The following MTPAP variants were observed in gnomAD, a reference collection of about 807,000 sequenced individuals.
The protein encoded by MTPAP is mitochondrial poly(A) polymerase, also known as poly(A) RNA polymerase, mitochondrial.
MTPAP carries 23 observed loss-of-function variants against 48.7 expected under a neutral mutation model. That is an observed-to-expected ratio of 0.47 (90% CI 0.34 to 0.67). The LOEUF is 0.67. Among genes scored for constraint, MTPAP ranks in the 30% least tolerant of loss-of-function variants. The pLI is 0.01. For missense variants in MTPAP, 614 were observed against 694.3 expected, an observed-to-expected ratio of 0.88 and a Z score of 1.30; for synonymous variants, 257 against 254.1, an observed-to-expected ratio of 1.01 and a Z score of -0.11.
chr10:30,337,127 C>T lies in MTPAP; in HGVS notation c.556-100G>A, dbSNP rs1834739468. On this transcript the variant is annotated intron_variant, in intron 3 of 8. Transcript: ENST00000263063. ...AAGATTTGGTGGCGTTGAAGACCTA[C>T]CTTAGAAATATGCAAAGCCTGGCGC... 1.9e-5 allele frequency: 20 copies of T among 1,036,774 alleles called. No homozygotes were observed. The South Asian group carries it at 2.5e-4, about 13-fold the overall frequency. 64.2% of individuals were successfully genotyped at this position (1,036,774 alleles called of 1,614,324 possible).
chr10:30,332,070 G>C (rs1834674740), intron 4 of MTPAP, among the ~76,000 whole-genome samples: 1 of 152,232 alleles, frequency 6.6e-6, no homozygotes, highest in Admixed American at 6.5e-5. Context: ...CAAAAGGTAA[G>C]AGAAGAGCTC....
At chr10:30,339,296 G>A (rs1834770665) in intron 3 of MTPAP, among the ~76,000 whole-genome samples, 1 of 152,054 alleles carries the variant, frequency 6.6e-6, no homozygotes, top group Non-Finnish European at 1.5e-5. Context: ...AGACCAGCCT[G>A]GCCAAAGTGG....
intron 3 of MTPAP, among the ~76,000 whole-genome samples, chr10:30,338,906 A>G (rs1242896212): frequency 1.3e-5 from 2 of 151,598 alleles, no homozygotes; most frequent in Non-Finnish European, 2.9e-5. Context: ...GGCGGATCAC[A>G]AGGTCAGGAG....
chr10:30,345,932 C>T (rs565483914), intron 1 of MTPAP, among the ~76,000 whole-genome samples: 1 of 151,616 alleles, frequency 6.6e-6, no homozygotes, highest in South Asian at 2.1e-4. Context: ...CCTGTAATCC[C>T]AGGTACTCAA....
At chr10:30,314,030 AACAGTTAACTCAATAAAATGTCAAAAC>A in intron 8 of MTPAP, 59 bp from the exon 9 acceptor site, 1 of 1,544,434 alleles carries the variant, frequency 6.5e-7, no homozygotes, top group Non-Finnish European at 8.9e-7. Context: ...TAAATATAAA[AACAGTTAACTCAATAAAATGTCAAAAC>A]ACATAAAACA....
In MTPAP at chr10:30,349,129, G is replaced by T; in HGVS notation, c.147C>A (p.Ser49Arg). The change falls in exon 1 of 9, where the codon AGC becomes AGA. Residue 49 changes from serine (S) to arginine (R), a missense_variant. By Grantham distance (110) the Ser-to-Arg change is moderately radical. This residue lies in a region of MTPAP where 125 missense variants were observed against 111.5 expected (regional missense o/e 1.12). Transcript: ENST00000263063. ...AACCGGCGCCATCACCTGTCTCCAC[G>T]CTCCCTGAAGGCTGCTCGTCTCTCC... The part of the protein sequence containing the change: ...DLRRDEQPSG[S>R]VETGFEDKIP... 1 of 1,613,678 alleles carries T rather than the reference G, an allele frequency of 6.2e-7. No homozygotes were observed. The highest frequency in any genetic ancestry group is 8.5e-7 in the Non-Finnish European group (1 of 1,179,820).
At chr10:30,323,710 C>T (rs1447713583) in intron 5 of MTPAP, among the ~76,000 whole-genome samples, 1 of 152,102 alleles carries the variant, frequency 6.6e-6, no homozygotes, top group East Asian at 1.9e-4. Context: ...TGGGGTTTCA[C>T]CGTGTTAGCC....
intron 2 of MTPAP, among the ~76,000 whole-genome samples, chr10:30,340,739 T>C (rs1305956787): frequency 1.3e-5 from 2 of 151,994 alleles, no homozygotes; most frequent in Non-Finnish European, 2.9e-5. Flanking sequence ...GCCAACATGG[T>C]GAAACCTCGC....
chr10:30,345,945 G>A (rs1411097445), intron 1 of MTPAP, among the ~76,000 whole-genome samples: 1 of 151,878 alleles, frequency 6.6e-6, no homozygotes, highest in African/African-American at 2.4e-5. Context: ...GTACTCAAGA[G>A]GCTGAGGCAG....
chr10:30,337,101 A>G (rs929866035), intron 3 of MTPAP, 74 bp from the exon 4 acceptor site: 21 of 1,325,096 alleles, frequency 1.6e-5, no homozygotes, highest in Non-Finnish European at 2.3e-5. Flanking sequence ...TTTTACTTTC[A>G]AAGATTTGGT....
intron 1 of MTPAP, among the ~76,000 whole-genome samples, chr10:30,347,752 G>T (rs867984718): frequency 6.6e-6 from 1 of 151,602 alleles, no homozygotes; most frequent in South Asian, 2.1e-4. Context: ...TTAGCCAGGC[G>T]TGGTGCCACG....
At chr10:30,338,328 ATAACATAACG>A (rs1834755285) in intron 3 of MTPAP, among the ~76,000 whole-genome samples, 1 of 142,618 alleles carries the variant, frequency 7.0e-6, no homozygotes, top group Non-Finnish European at 1.6e-5. Context: ...TTAACATAAC[ATAACATAACG>A]TAACATAACT....
chr10:30,327,164 A>T (rs1265544895), intron 4 of MTPAP, among the ~76,000 whole-genome samples: 1 of 152,096 alleles, frequency 6.6e-6, no homozygotes, highest in African/African-American at 2.4e-5. Flanking sequence ...TTAAGTGGCC[A>T]TCAAAAAAAA....
chr10:30,310,149 C>G lies in MTPAP; in HGVS notation c.*3460G>C, dbSNP rs1187124871. On this transcript the variant is annotated 3_prime_UTR_variant, in exon 9 of 9. Transcript: ENST00000263063. The stretch of plus-strand genomic sequence containing the variant: ...ATTGCAATTATTTTTAATTAAGAAA[C>G]AGCAATGACAAATAATTGCTAGTTA... 1.3e-5 allele frequency: 2 copies of G among 152,102 alleles called. No individual in the cohort carries two copies. The highest frequency in any genetic ancestry group is 2.9e-5 in the Non-Finnish European group (2 of 68,000). The allele number at this position is 152,102 out of a possible 1,614,324, so 9.4% of individuals were successfully genotyped here.
rs756511637 is a variant in MTPAP, at chr10:30,313,734, T to C, written c.1624A>G (p.Thr542Ala). The C allele has an allele frequency of 5.6e-5, 91 of 1,614,098 alleles. No individual in the cohort carries two copies. The highest frequency in any genetic ancestry group is 6.7e-5 in the Non-Finnish European group (79 of 1,180,024). ...GCAAACTTATTGCTTTTCTTCTTGG[T>C]AAAGGACTTTCTGTTTGGAGCAGAT... ...LPSAPNRKSFTKKKSNKFAIE... is the reference protein window; with the variant it reads ...LPSAPNRKSFAKKKSNKFAIE... Residue 542 changes from threonine (T) to alanine (A), a missense_variant, in exon 9 of 9, where the codon ACC becomes GCC. Thr to Ala is a moderately conservative substitution (Grantham distance 58, BLOSUM62 0). This residue lies in a region of MTPAP where 109 missense variants were observed against 100.5 expected (regional missense o/e 1.08). Transcript: ENST00000263063.
At chr10:30,340,541 G>C in intron 2 of MTPAP, 91 bp from the exon 3 acceptor site, 1 of 931,998 alleles carries the variant, frequency 1.1e-6, no homozygotes, top group Non-Finnish European at 1.7e-6. Context: ...TTATCATAAT[G>C]CTACAAAATA....
intron 4 of MTPAP, among the ~76,000 whole-genome samples, chr10:30,328,592 A>G (rs1309760520): frequency 6.6e-6 from 1 of 152,136 alleles, no homozygotes; most frequent in East Asian, 1.9e-4. Context: ...ATTCCTCCTA[A>G]AAGGATGAAG....
Position 30,320,914 on chromosome 10 carries a change from C to T in MTPAP, c.1219+1477G>A, listed in dbSNP as rs1840717520. ...CCCACGATGGTTTCTATGAGAGTAG[C>T]ATTAAGCACCACTGCACACAGCAGG... is the stretch of plus-strand genomic sequence containing the variant. On this transcript the variant is annotated intron_variant, in intron 6 of 8. Coordinates refer to ENST00000263063, the MANE Select transcript of MTPAP (RefSeq NM_018109.4). Among the ~76,000 whole-genome samples, 5 of 152,168 alleles carry T rather than the reference C, an allele frequency of 3.3e-5. No homozygotes were observed. In the South Asian group the frequency reaches 1.0e-3, roughly 32 times the overall value.
intron 4 of MTPAP, among the ~76,000 whole-genome samples, chr10:30,330,876 G>A (rs1179585401): frequency 6.6e-6 from 1 of 152,186 alleles, no homozygotes; most frequent in African/African-American, 2.4e-5. Context: ...TGAAACACTG[G>A]TCAGCCTGGG....
Sources: allele counts gnomAD v4.1 joint callset (sites outside exome capture counted in the v4.1 genomes callset), GRCh38; gene constraint gnomAD v4.1.1; regional missense constraint gnomAD v4.1.1; transcripts MANE v1.5; gene names NCBI Gene and HGNC (gene_info 2026-07-23, HGNC 2026-07-21).